ACKR3: variants seen among roughly 807,000 people sequenced by gnomAD.
ACKR3 encodes C-X-C chemokine receptor type 7.
ACKR3 carries 6 observed loss-of-function variants against 22.4 expected under a neutral mutation model. The observed-to-expected ratio is 0.27, with a 90% CI of 0.15 to 0.53. ACKR3 has a LOEUF of 0.53. Ranked by LOEUF, ACKR3 falls within the 20% of genes least tolerant of loss-of-function variation. The pLI is 0.96. For synonymous variants in ACKR3, 209 were observed against 205.2 expected (o/e 1.02, Z -0.16); for missense variants, 396 against 475.2 (o/e 0.83, Z 1.55).
chr2:236,540,402 G>A, the ACKR3 span, among the ~76,000 whole-genome samples: 2 of 151,444 alleles, frequency 1.3e-5, no homozygotes, highest in Admixed American at 1.3e-4. Context: ...AGTTATACGG[G>A]TTCTTTCTAT....
At chr2:236,543,904 G>T in the ACKR3 span, among the ~76,000 whole-genome samples, 1 of 132,152 alleles carries the variant, frequency 7.6e-6, no homozygotes, top group African/African-American at 2.6e-5. Context: ...TGACATAGTG[G>T]TTACAGATAT....
At chr2:236,541,518 ACTT>A in the ACKR3 span, among the ~76,000 whole-genome samples, 1 of 152,172 alleles carries the variant, frequency 6.6e-6, no homozygotes, top group East Asian at 1.9e-4. Context: ...AAGGGTCAGT[ACTT>A]CTTATTTGGT....
At chr2:236,565,419 A>G (rs1691157722), upstream of ACKR3, among the ~76,000 whole-genome samples, 1 of 152,214 alleles carries the variant, frequency 6.6e-6, no homozygotes, top group South Asian at 2.1e-4. Context: ...TATGTGAAAG[A>G]TGCCCTCCCT....
At chr2:236,543,459 C>A in the ACKR3 span, among the ~76,000 whole-genome samples, 1 of 152,176 alleles carries the variant, frequency 6.6e-6, no homozygotes, top group African/African-American at 2.4e-5. Context: ...TTACTCTTAA[C>A]CCTTTACCCA....
At chr2:236,541,506 C>T in the ACKR3 span, among the ~76,000 whole-genome samples, 3 of 152,232 alleles carry the variant, frequency 2.0e-5, no homozygotes, top group East Asian at 5.8e-4. Context: ...AGAAAATCTC[C>T]CAAGGGTCAG....
At chr2:236,563,019 A>G (rs1691104012), upstream of ACKR3, among the ~76,000 whole-genome samples, 1 of 152,166 alleles carries the variant, frequency 6.6e-6, no homozygotes, top group Admixed American at 6.5e-5. Context: ...CATTGTGACT[A>G]CAGTTTGTAT....
chr2:236,563,729 C>T (rs561537935), upstream of ACKR3, among the ~76,000 whole-genome samples: 71 of 152,228 alleles, frequency 4.7e-4, no homozygotes, highest in South Asian at 3.3e-3. Flanking sequence ...TCCCAGATTC[C>T]GGGACCCCCT....
At chr2:236,556,384 G>A in the ACKR3 span, among the ~76,000 whole-genome samples, 1 of 152,116 alleles carries the variant, frequency 6.6e-6, no homozygotes, top group Non-Finnish European at 1.5e-5. Context: ...ATGGCAAAAG[G>A]GGTGTGATTA....
At chr2:236,572,211 A>G (rs1440583489) in intron 1 of ACKR3, among the ~76,000 whole-genome samples, 1 of 152,220 alleles carries the variant, frequency 6.6e-6, no homozygotes, top group African/African-American at 2.4e-5. Flanking sequence ...CTAATTTGGA[A>G]TTGAAAAAAA....
the ACKR3 span, among the ~76,000 whole-genome samples, chr2:236,541,817 G>A: frequency 6.6e-6 from 1 of 152,158 alleles, no homozygotes; most frequent in Non-Finnish European, 1.5e-5. Context: ...AGATCTGATG[G>A]TTTTATAAAT....
chr2:236,556,738 G>A, the ACKR3 span, among the ~76,000 whole-genome samples: 1 of 152,208 alleles, frequency 6.6e-6, no homozygotes, highest in Middle Eastern at 3.2e-3. Flanking sequence ...GCCCAGGCTG[G>A]AATGCCATGT....
At chr2:236,549,369 C>G in the ACKR3 span, among the ~76,000 whole-genome samples, 2 of 152,160 alleles carry the variant, frequency 1.3e-5, no homozygotes, top group African/African-American at 4.8e-5. The surrounding 1 kb of genome is among the most constrained non-coding windows in gnomAD (Gnocchi z 5.3). Context: ...TCCATCAGTT[C>G]CCTGTCCCTG....
the ACKR3 span, among the ~76,000 whole-genome samples, chr2:236,538,540 AAGCATGG>A: frequency 7.1e-3 from 1,082 of 152,260 alleles, 13 homozygotes; most frequent in African/African-American, 0.025. Context: ...AACTGGCCCC[AAGCATGG>A]AAAGGGGCTG....
intron 1 of ACKR3, among the ~76,000 whole-genome samples, chr2:236,573,883 C>T (rs1691356410): frequency 6.6e-6 from 1 of 152,224 alleles, no homozygotes; most frequent in African/African-American, 2.4e-5. Flanking sequence ...CCAACTCTTA[C>T]CTCCATTTGC....
chr2:236,577,740 G>T lies in ACKR3; in HGVS notation c.-26-2700G>T, dbSNP rs969591731. ...GAGGTGGGGCGGATTCGGGATCCAA[G>T]TTCGGGCGAACAAAGACTGAGGGTC... On this transcript the variant is annotated intron_variant, in intron 1 of 1. Transcript: ENST00000272928. This position sits in a 1 kb window ranked among gnomAD's most constrained non-coding sequence, Gnocchi z 5.6. Among the ~76,000 whole-genome samples, 7 of 152,336 alleles carry T rather than the reference G, an allele frequency of 4.6e-5. No homozygotes were observed. The East Asian group carries it at 1.4e-3, about 30-fold the overall frequency.
At chr2:236,561,640 T>C in the ACKR3 span, among the ~76,000 whole-genome samples, 1 of 152,052 alleles carries the variant, frequency 6.6e-6, no homozygotes, top group East Asian at 1.9e-4. Flanking sequence ...TACAGGTGTG[T>C]GCCACCATGC....
chr2:236,576,092 A>G (rs1249128659), intron 1 of ACKR3, among the ~76,000 whole-genome samples: 1 of 152,182 alleles, frequency 6.6e-6, no homozygotes, highest in Non-Finnish European at 1.5e-5. Flanking sequence ...CTGAGGCCCT[A>G]GAGACGCAGG....
At chr2:236,575,887 T>C (rs1241413525) in intron 1 of ACKR3, among the ~76,000 whole-genome samples, 1 of 152,034 alleles carries the variant, frequency 6.6e-6, no homozygotes, top group Non-Finnish European at 1.5e-5. Context: ...TTAAAAAACA[T>C]CTTGTGTACA....
the ACKR3 span, among the ~76,000 whole-genome samples, chr2:236,540,165 A>T: frequency 6.6e-6 from 1 of 152,218 alleles, no homozygotes; most frequent in African/African-American, 2.4e-5. Flanking sequence ...TGAGTATTCC[A>T]CTTGTTCCTC....
Sources: gnomAD v4.1 joint callset for allele counts (sites outside exome capture counted in the v4.1 genomes callset) on GRCh38, gnomAD v4.1.1 for gene constraint, Gnocchi (gnomAD v3.1) non-coding constraint, MANE v1.5 for transcripts, NCBI Gene and HGNC (gene_info 2026-07-23, HGNC 2026-07-21) for gene names.